MLKL: variants seen among roughly 807,000 people sequenced by gnomAD.
MLKL encodes the protein mixed lineage kinase domain like pseudokinase, also known as mixed lineage kinase domain-like protein.
Under a neutral mutation model 56.5 loss-of-function variants are expected in MLKL, and 55 were observed. That is an observed-to-expected ratio of 0.97 (90% CI 0.78 to 1.22). The LOEUF is 1.22. Among genes scored for constraint, MLKL ranks in the 50% most tolerant of loss-of-function variants. MLKL has a pLI of 0.00. For synonymous variants in MLKL, 251 were observed against 208.3 expected (o/e 1.20, Z -1.76); for missense variants, 694 against 573.9 (o/e 1.21, Z -2.14).
chr16:74,698,955 A>G (rs1483421806), intron 1 of MLKL, among the ~76,000 whole-genome samples: 3 of 152,014 alleles, frequency 2.0e-5, no homozygotes, highest in Non-Finnish European at 4.4e-5. Context: ...TCTACTAAAA[A>G]TACTAAAATT....
intron 7 of MLKL, chr16:74,678,288 TC>T (rs1296995578): frequency 6.5e-6 from 1 of 152,768 alleles, no homozygotes; most frequent in African/African-American, 2.4e-5. Flanking sequence ...CCTAACAAGA[TC>T]CCCCATTGTA....
chr16:74,692,541 A>T, intron 2 of MLKL, 125 bp from the exon 3 acceptor site: 1 of 694,540 alleles, frequency 1.4e-6, no homozygotes, highest in Non-Finnish European at 2.4e-6. Context: ...TATGGTAGGG[A>T]TTACTACTGA....
At chr16:74,676,262 T>G in intron 7 of MLKL, 1 of 990,106 alleles carries the variant, frequency 1.0e-6, no homozygotes, top group Non-Finnish European at 1.2e-6. Context: ...GGCTTTGGCG[T>G]GACGAGTGTG....
chr16:74,692,375 T>G lies in MLKL; in HGVS notation c.502A>C (p.Asn168His). The change falls in exon 3 of 11, where the codon AAC becomes CAC. Residue 168 changes from asparagine (N) to histidine (H), a missense_variant. Coordinates refer to ENST00000308807, the MANE Select transcript of MLKL (RefSeq NM_152649.4). The stretch of plus-strand genomic sequence containing the variant: ...AAAGTTTCCTTGATTTCTTTCATGT[T>G]GATTTCTAATCGTCTCAGTGAAGCT... ...IEASLRRLEI[N>H]MKEIKETLRQ... The G allele has an allele frequency of 1.2e-6, 2 of 1,614,014 alleles. No homozygotes were observed. The highest frequency in any genetic ancestry group is 1.3e-5 in the African/African-American group (1 of 75,046).
At chr16:74,687,709 C>A (rs1037499164) in intron 4 of MLKL, among the ~76,000 whole-genome samples, 8 of 152,052 alleles carry the variant, frequency 5.3e-5, no homozygotes, top group African/African-American at 1.9e-4. Context: ...TGCTCTGTCA[C>A]CCAGGCTGGA....
At chr16:74,680,217 T>C (rs1348434631) in intron 6 of MLKL, among the ~76,000 whole-genome samples, 1 of 152,078 alleles carries the variant, frequency 6.6e-6, no homozygotes, top group African/African-American at 2.4e-5. Flanking sequence ...GATGGGTAAA[T>C]AGAGCTGGTA....
intron 7 of MLKL, chr16:74,676,028 T>C: frequency 2.2e-6 from 1 of 457,778 alleles, no homozygotes; most frequent in South Asian, 3.2e-5. Flanking sequence ...GAGATAATGG[T>C]TATAAAGCAC....
chr16:74,679,039 T>G (rs1429885066), intron 6 of MLKL, 59 bp from the exon 7 acceptor site: 6 of 1,382,810 alleles, frequency 4.3e-6, no homozygotes, highest in Non-Finnish European at 6.2e-6. Flanking sequence ...TTTGGGGGAC[T>G]GACAATCATA....
chr16:74,692,530 T>C (rs922153671), intron 2 of MLKL, 114 bp from the exon 3 acceptor site: 2 of 791,530 alleles, frequency 2.5e-6, no homozygotes. Flanking sequence ...ATCATATTCA[T>C]TATGGTAGGG....
chr16:74,680,744 ATCTGTCCGCCTCAGCCTCCCAAAGT>A (rs1959918867), intron 6 of MLKL, among the ~76,000 whole-genome samples: 2 of 152,224 alleles, frequency 1.3e-5, no homozygotes, highest in Admixed American at 1.3e-4. Flanking sequence ...TTACCTTGTG[ATCTGTCCGCCTCAGCCTCCCAAAGT>A]GCTGGGATTA....
intron 7 of MLKL, chr16:74,676,567 G>A (rs1441909081): frequency 1.4e-6 from 1 of 709,126 alleles, no homozygotes; most frequent in Non-Finnish European, 1.7e-6. Flanking sequence ...AGGGATGAAA[G>A]GTGGAATAGC....
At chr16:74,681,811 A>G (rs1012650427) in intron 6 of MLKL, among the ~76,000 whole-genome samples, 1 of 152,022 alleles carries the variant, frequency 6.6e-6, no homozygotes, top group East Asian at 1.9e-4. Flanking sequence ...AAAAAAAAGA[A>G]AAGAAAAAAA....
chr16:74,691,065 T>A (rs552187557), intron 4 of MLKL, among the ~76,000 whole-genome samples: 13 of 151,732 alleles, frequency 8.6e-5, no homozygotes, highest in East Asian at 7.8e-4. Flanking sequence ...TTTTTTTTTT[T>A]AAATATATAT....
rs150308164 is a variant in MLKL, at chr16:74,680,199, G to A, written c.957-1219C>T. ...TGAACTTTCAGCAGCAAAGCATGCC[G>A]AGAGGGGGATGGGTAAATAGAGCTG... On this transcript the variant is annotated intron_variant, in intron 6 of 10. Coordinates refer to ENST00000308807, the MANE Select transcript of MLKL (RefSeq NM_152649.4). 5.4e-3 allele frequency among the ~76,000 whole-genome samples: 820 copies of A among 152,280 alleles called. 1 individual carries two copies. Among genetic ancestry groups the A allele is most frequent in the Non-Finnish European group, 7.9e-3 (538 of 68,038 alleles).
chr16:74,674,066 T>C (rs74726154), intron 10 of MLKL, among the ~76,000 whole-genome samples: 5,380 of 152,034 alleles, frequency 0.035, 302 homozygotes, highest in African/African-American at 0.11. Context: ...CAATGCCCTC[T>C]GGAAGCCCTT....
rs757391457 is a variant in MLKL at position 74,682,748 on chromosome 16, C to T, written c.859G>A (p.Glu287Lys). ...AACAGCTCCCTCAGGGTCCCGAGTTCACAGTACTCCATGACAATGGAGAAT... is the reference window on the plus strand; with the variant it reads ...AACAGCTCCCTCAGGGTCCCGAGTTTACAGTACTCCATGACAATGGAGAAT... ...PQFSIVMEYC[E>K]LGTLRELLDR... The change falls in exon 6 of 11, where the codon GAA (glutamate) becomes AAA (lysine). Residue 287 changes from glutamate (E) to lysine (K), a missense_variant. Glu to Lys is a moderately conservative substitution (Grantham distance 56). Coordinates refer to ENST00000308807, the MANE Select transcript of MLKL (RefSeq NM_152649.4). 4 of 1,614,122 alleles carry T rather than the reference C, an allele frequency of 2.5e-6. No homozygotes were observed. The South Asian group carries it at 4.4e-5, about 18-fold the overall frequency.
Position 74,675,821 on chromosome 16 carries a change from G to A in MLKL, c.1039-57C>T, listed in dbSNP as rs545787640. 1.5e-4 allele frequency: 231 copies of A among 1,564,680 alleles called. 1 individual carries two copies. The East Asian group carries it at 5.1e-3, about 35-fold the overall frequency. ...GCAAGATCTTGGGTAGAGGAGTAAA[G>A]GGCAGGGATTGTTGCTACACACAAT... On this transcript the variant is annotated intron_variant, in intron 7 of 10. Coordinates refer to ENST00000308807, the MANE Select transcript of MLKL (RefSeq NM_152649.4).
intron 5 of MLKL, among the ~76,000 whole-genome samples, chr16:74,684,034 G>A (rs1440056831): frequency 7.9e-5 from 12 of 151,986 alleles, no homozygotes; most frequent in African/African-American, 2.2e-4. Flanking sequence ...TGCAACCTCC[G>A]CCTCCCAGGT....
Position 74,680,476 on chromosome 16 carries a change from A to AT in MLKL, c.957-1497dup, listed in dbSNP as rs575288663. On this transcript the variant is annotated intron_variant, in intron 6 of 10. Coordinates refer to ENST00000308807, the MANE Select transcript of MLKL (RefSeq NM_152649.4). ...ATCAAGAAGAAAGTCTGCGTTTGGT[A>AT]TTTTTTTTTTGTTTTTTTGTTTTTG... Among the ~76,000 whole-genome samples the AT allele has an allele frequency of 8.6e-3, 1,268 of 148,108 alleles. 16 individuals are homozygous for AT. The highest frequency in any genetic ancestry group is 0.029 in the African/African-American group (1,161 of 40,442).
Sources: allele counts gnomAD v4.1 joint callset (sites outside exome capture counted in the v4.1 genomes callset), GRCh38; gene constraint gnomAD v4.1.1; transcripts MANE v1.5; gene names NCBI Gene and HGNC (gene_info 2026-07-23, HGNC 2026-07-21).